Variants in DCC observed in about 807,000 individuals in gnomAD.
DCC encodes netrin receptor DCC.
DCC carries 58 observed loss-of-function variants against 172.5 expected under a neutral mutation model. The observed-to-expected ratio is 0.34, with a 90% CI of 0.27 to 0.42. DCC has a LOEUF of 0.42. DCC is among the 10% of genes least tolerant of loss of function. The pLI is 1.00. For missense variants in DCC, 1,740 were observed against 1,791.0 expected, an observed-to-expected ratio of 0.97 and a Z score of 0.51; for synonymous variants, 709 against 644.5, an observed-to-expected ratio of 1.10 and a Z score of -1.52.
intron 1 of DCC, among the ~76,000 whole-genome samples, chr18:52,565,959 G>A (rs2033150607): frequency 6.6e-6 from 1 of 152,058 alleles, no homozygotes; most frequent in South Asian, 2.1e-4. Context: ...TTGAGGGTTT[G>A]TATGGTTTTA....
chr18:53,370,864 T>G (rs1379734360), intron 15 of DCC, among the ~76,000 whole-genome samples: 1 of 151,846 alleles, frequency 6.6e-6, no homozygotes, highest in African/African-American at 2.4e-5. Context: ...TTGGTTTGTT[T>G]TGTTAAGTCC....
At chr18:52,379,029 A>C (rs1015232807) in intron 1 of DCC, among the ~76,000 whole-genome samples, 1 of 152,184 alleles carries the variant, frequency 6.6e-6, no homozygotes, top group Non-Finnish European at 1.5e-5. Context: ...GGGGACAGAA[A>C]AATGAATGAA....
chr18:52,626,997 C>G (rs2144871360), intron 1 of DCC, among the ~76,000 whole-genome samples: 1 of 152,284 alleles, frequency 6.6e-6, no homozygotes, highest in South Asian at 2.1e-4. Context: ...CAGTCCATCC[C>G]TCTCACACTA....
At chr18:53,062,240 C>A (rs748924682) in intron 5 of DCC, among the ~76,000 whole-genome samples, 3 of 151,950 alleles carry the variant, frequency 2.0e-5, no homozygotes, top group Admixed American at 2.0e-4. Context: ...AAGGCAATGG[C>A]CATCAAAGAT....
chr18:52,622,989 C>T (rs183519516), intron 1 of DCC, among the ~76,000 whole-genome samples: 1 of 152,308 alleles, frequency 6.6e-6, no homozygotes, highest in Admixed American at 6.5e-5. Flanking sequence ...CTTATTTTAT[C>T]TAAGATGCCT....
At chr18:52,905,990 G>T (rs1356777975) in intron 2 of DCC, 54 bp from the exon 3 acceptor site, 2 of 1,162,136 alleles carry the variant, frequency 1.7e-6, no homozygotes, top group Non-Finnish European at 2.6e-6. Flanking sequence ...TTTTATTGGC[G>T]ATTATTGTGC....
At chr18:52,788,639 A>G (rs913012531) in intron 2 of DCC, among the ~76,000 whole-genome samples, 1 of 152,224 alleles carries the variant, frequency 6.6e-6, no homozygotes, top group Non-Finnish European at 1.5e-5. Context: ...GACATTACGC[A>G]TAACACATAT....
chr18:53,488,273 G>A (rs2045924108), intron 26 of DCC, among the ~76,000 whole-genome samples: 1 of 152,140 alleles, frequency 6.6e-6, no homozygotes, highest in Admixed American at 6.5e-5. Context: ...TATTTGGGAG[G>A]CTGAGGCATG....
At chr18:52,836,762 T>C (rs2038713465) in intron 2 of DCC, among the ~76,000 whole-genome samples, 2 of 152,134 alleles carry the variant, frequency 1.3e-5, no homozygotes, top group Non-Finnish European at 2.9e-5. Context: ...CATGCTGTCA[T>C]GGGGTCTGGA....
intron 27 of DCC, among the ~76,000 whole-genome samples, chr18:53,513,149 C>A (rs1216399514): frequency 6.6e-6 from 1 of 152,060 alleles, no homozygotes; most frequent in Non-Finnish European, 1.5e-5. Flanking sequence ...AGAGTGGGGG[C>A]CAATATTCAA....
At chr18:53,263,935 T>A (rs909947597) in intron 12 of DCC, among the ~76,000 whole-genome samples, 2 of 152,164 alleles carry the variant, frequency 1.3e-5, no homozygotes, top group African/African-American at 2.4e-5. Flanking sequence ...CAATCAATAA[T>A]GTTTTAAAAT....
At chr18:53,347,897 A>G (rs894598570) in intron 15 of DCC, among the ~76,000 whole-genome samples, 8 of 152,304 alleles carry the variant, frequency 5.3e-5, no homozygotes, top group African/African-American at 1.9e-4. Flanking sequence ...ACCTGTTCCT[A>G]TAATTCAGCC....
intron 1 of DCC, among the ~76,000 whole-genome samples, chr18:52,348,469 T>TGGCAGAGGCATGAAGCAAAGAGGCC (rs1983975452): frequency 2.0e-5 from 3 of 152,198 alleles, no homozygotes; most frequent in Non-Finnish European, 4.4e-5. Flanking sequence ...ACACTTGGTA[T>TGGCAGAGGCATGAAGCAAAGAGGCC]TTTCATATGC....
intron 13 of DCC, among the ~76,000 whole-genome samples, chr18:53,312,199 GT>G (rs2057279368): frequency 2.7e-5 from 1 of 36,522 alleles, no homozygotes. Context: ...TTAGCCTGGT[GT>G]GGTGGTGGCG....
intron 5 of DCC, among the ~76,000 whole-genome samples, chr18:52,935,437 A>C (rs1233192431): frequency 2.6e-5 from 4 of 152,156 alleles, no homozygotes; most frequent in Non-Finnish European, 5.9e-5. Flanking sequence ...ATTCTCAGAT[A>C]TGCTCTATGA....
At chr18:52,473,617 G>A (rs1330583467) in intron 1 of DCC, among the ~76,000 whole-genome samples, 2 of 152,074 alleles carry the variant, frequency 1.3e-5, no homozygotes, top group African/African-American at 4.8e-5. Context: ...GAAGGGGGAA[G>A]CCCCTTATGA....
At chr18:52,875,248 A>G (rs1396285821) in intron 2 of DCC, among the ~76,000 whole-genome samples, 1 of 152,098 alleles carries the variant, frequency 6.6e-6, no homozygotes, top group African/African-American at 2.4e-5. Context: ...TTTTCTGAAA[A>G]AAGGCTACTG....
chr18:52,887,276 T>C (rs969272311), intron 2 of DCC, among the ~76,000 whole-genome samples: 2 of 152,154 alleles, frequency 1.3e-5, no homozygotes, highest in African/African-American at 4.8e-5. Context: ...TTGTACTACC[T>C]CTTCTAGCAT....
chr18:52,385,052 A>G (rs1278177563), intron 1 of DCC, among the ~76,000 whole-genome samples: 2 of 152,148 alleles, frequency 1.3e-5, no homozygotes, highest in Non-Finnish European at 2.9e-5. Flanking sequence ...AAATTTTTAT[A>G]GAAGCTCAGA....
Sources: allele counts gnomAD v4.1 joint callset (sites outside exome capture counted in the v4.1 genomes callset), GRCh38; gene constraint gnomAD v4.1.1; transcripts MANE v1.5; gene names NCBI Gene and HGNC (gene_info 2026-07-23, HGNC 2026-07-21).